The following STIM2 variants were observed in gnomAD, a reference collection of about 807,000 sequenced individuals.
The protein encoded by STIM2 is stromal interaction molecule 2.
STIM2 carries 31 observed loss-of-function variants against 85.8 expected under a neutral mutation model. The observed-to-expected ratio is 0.36, with a 90% CI of 0.27 to 0.49. STIM2 has a LOEUF of 0.49. Among genes scored for constraint, STIM2 ranks in the 20% least tolerant of loss-of-function variants. The probability of loss-of-function intolerance (pLI) is 0.98; values close to 1 mark genes in which losing one functional copy is unlikely to be tolerated. For synonymous variants in STIM2, 356 were observed against 331.1 expected (o/e 1.08, Z -0.82); for missense variants, 841 against 927.6 (o/e 0.91, Z 1.21).
intron 2 of STIM2, among the ~76,000 whole-genome samples, chr4:26,956,291 T>A (rs184641679): frequency 6.6e-6 from 1 of 152,262 alleles, no homozygotes; most frequent in Admixed American, 6.5e-5. Flanking sequence ...GAGCAAAGTA[T>A]CAAGAGATAA....
chr4:26,887,861 C>A (rs1246788101), intron 1 of STIM2, among the ~76,000 whole-genome samples: 2 of 151,982 alleles, frequency 1.3e-5, no homozygotes, highest in Admixed American at 1.3e-4. Context: ...ATAGGTAAAA[C>A]ATAGAGACTT....
intron 11 of STIM2, chr4:27,019,401 A>G (rs975174424): frequency 3.1e-6 from 4 of 1,288,576 alleles, no homozygotes; most frequent in Non-Finnish European, 3.0e-6. Context: ...TCTTTGCAGT[A>G]TGATCATAGT....
chr4:27,018,098 T>A, intron 11 of STIM2, 114 bp downstream of exon 11: 1 of 1,449,152 alleles, frequency 6.9e-7, no homozygotes, highest in Non-Finnish European at 9.4e-7. Flanking sequence ...CATATCAAGG[T>A]ACCACAGACT....
intron 3 of STIM2, among the ~76,000 whole-genome samples, chr4:26,974,162 C>T (rs1727088994): frequency 6.6e-6 from 1 of 152,182 alleles, no homozygotes; most frequent in Non-Finnish European, 1.5e-5. Context: ...AAATACAGCA[C>T]ACTGATGGGT....
At chr4:26,928,043 C>G (rs1310752827) in intron 2 of STIM2, among the ~76,000 whole-genome samples, 1 of 151,860 alleles carries the variant, frequency 6.6e-6, no homozygotes, top group Non-Finnish European at 1.5e-5. Context: ...ATTCTGATTT[C>G]AAGATGGCTC....
intron 2 of STIM2, 112 bp downstream of exon 2, chr4:26,919,746 C>A: frequency 7.9e-7 from 1 of 1,259,752 alleles, no homozygotes. Context: ...TCATCTTCAA[C>A]ATCTTTAATT....
At chr4:26,965,218 T>G (rs1452148933) in intron 3 of STIM2, among the ~76,000 whole-genome samples, 1 of 152,088 alleles carries the variant, frequency 6.6e-6, no homozygotes, top group Admixed American at 6.6e-5. Context: ...GTAACAGATG[T>G]CATCATTTCT....
At chr4:26,970,294 A>G (rs1726897994) in intron 3 of STIM2, among the ~76,000 whole-genome samples, 1 of 150,042 alleles carries the variant, frequency 6.7e-6, no homozygotes, top group Admixed American at 6.7e-5. Context: ...CACGTGCACA[A>G]CGTGCAGTTT....
At chr4:26,983,121 C>T (rs1727459690) in intron 3 of STIM2, among the ~76,000 whole-genome samples, 1 of 152,058 alleles carries the variant, frequency 6.6e-6, no homozygotes, top group Non-Finnish European at 1.5e-5. Context: ...AATTGAAAGA[C>T]ACTGAAATGA....
At chr4:26,941,883 A>G (rs1725622858) in intron 2 of STIM2, among the ~76,000 whole-genome samples, 1 of 152,164 alleles carries the variant, frequency 6.6e-6, no homozygotes, top group Admixed American at 6.6e-5. Context: ...TTTGAAAACT[A>G]CACACTCAAT....
At chr4:26,930,102 A>C (rs544053909) in intron 2 of STIM2, among the ~76,000 whole-genome samples, 18 of 152,172 alleles carry the variant, frequency 1.2e-4, no homozygotes, top group Non-Finnish European at 2.6e-4. Flanking sequence ...AACATAAAAA[A>C]GGTTAGATGT....
chr4:26,929,337 A>G (rs558521837), intron 2 of STIM2, among the ~76,000 whole-genome samples: 6 of 152,258 alleles, frequency 3.9e-5, no homozygotes, highest in Admixed American at 2.6e-4. Flanking sequence ...TTCTTGTACT[A>G]TAGTCCTTCA....
chr4:26,972,532 T>C (rs1049987958), intron 3 of STIM2, among the ~76,000 whole-genome samples: 2 of 152,248 alleles, frequency 1.3e-5, no homozygotes, highest in Non-Finnish European at 2.9e-5. Flanking sequence ...GTTTATATGC[T>C]GGATTACGTT....
intron 2 of STIM2, among the ~76,000 whole-genome samples, chr4:26,952,007 A>G (rs974162210): frequency 2.0e-5 from 3 of 152,136 alleles, no homozygotes; most frequent in African/African-American, 7.2e-5. Flanking sequence ...GGAAGATTCA[A>G]AAGCAGAAAC....
intron 3 of STIM2, among the ~76,000 whole-genome samples, chr4:26,964,507 G>A (rs1726633256): frequency 6.6e-6 from 1 of 152,056 alleles, no homozygotes; most frequent in African/African-American, 2.4e-5. Context: ...GCTTTGAGTG[G>A]GAAGAATGAA....
At chr4:26,904,677 G>A (rs950595271) in intron 1 of STIM2, among the ~76,000 whole-genome samples, 2 of 152,018 alleles carry the variant, frequency 1.3e-5, no homozygotes, top group Non-Finnish European at 2.9e-5. Flanking sequence ...ATTAGAGACA[G>A]CCAGCGGGAA....
intron 3 of STIM2, among the ~76,000 whole-genome samples, chr4:26,969,452 C>G (rs1362182275): frequency 3.3e-5 from 5 of 152,192 alleles, no homozygotes; most frequent in Non-Finnish European, 5.9e-5. Flanking sequence ...TTATGGGAGA[C>G]TTTTAATGAT....
intron 10 of STIM2, among the ~76,000 whole-genome samples, chr4:27,017,060 A>G (rs1186050811): frequency 6.6e-6 from 1 of 152,222 alleles, no homozygotes; most frequent in Non-Finnish European, 1.5e-5. Context: ...AGTTAAGAGT[A>G]AGAAATGGAA....
At chr4:26,864,122 A>G (rs1266791872) in intron 1 of STIM2, among the ~76,000 whole-genome samples, 1 of 152,052 alleles carries the variant, frequency 6.6e-6, no homozygotes, top group Non-Finnish European at 1.5e-5. Flanking sequence ...CCATTGTCAT[A>G]ATGAATACAG....
Sources: allele counts gnomAD v4.1 joint callset (sites outside exome capture counted in the v4.1 genomes callset), GRCh38; gene constraint gnomAD v4.1.1; transcripts MANE v1.5; gene names NCBI Gene and HGNC (gene_info 2026-07-23, HGNC 2026-07-21).